The following FAM90A20 variants were observed in gnomAD, a reference collection of about 807,000 sequenced individuals.
The protein encoded by FAM90A20 is family with sequence similarity 90 member A20.
chr8:7,297,833 G>A, the FAM90A20 span: 893 of 1,010,682 alleles, frequency 8.8e-4, 38 homozygotes, highest in South Asian at 1.2e-3. Context: ...ACTGGAAAAC[G>A]GACGCTGGAG....
chr8:7,297,818 C>G, the FAM90A20 span: 1 of 1,134,980 alleles, frequency 8.8e-7, no homozygotes, highest in South Asian at 1.2e-5. Context: ...AGTGCTCTTC[C>G]GGAGACTGGA....
At chr8:7,297,854 C>T in the FAM90A20 span, 1 of 856,856 alleles carries the variant, frequency 1.2e-6, no homozygotes, top group Non-Finnish European at 1.8e-6. Context: ...CTCCAGCCTC[C>T]TGGCGGCCCC....
the FAM90A20 span, chr8:7,297,419 G>C: frequency 6.4e-7 from 1 of 1,553,690 alleles, no homozygotes; most frequent in Non-Finnish European, 8.7e-7. Flanking sequence ...CAAACGTCCT[G>C]CGGTGACCTC....
the FAM90A20 span, chr8:7,297,674 G>A: frequency 5.0e-6 from 7 of 1,395,940 alleles, no homozygotes; most frequent in South Asian, 8.0e-5. Flanking sequence ...GCCCCAGATG[G>A]GCAGGAGGAC....
the FAM90A20 span, chr8:7,296,509 C>T: frequency 1.1e-3 from 697 of 643,648 alleles, 58 homozygotes; most frequent in Non-Finnish European, 1.4e-3. Flanking sequence ...TTCTTGTCTT[C>T]TTGGGGTCAG....
chr8:7,295,446 G>A, the FAM90A20 span, among the ~76,000 whole-genome samples: 4 of 101,996 alleles, frequency 3.9e-5, no homozygotes, highest in Non-Finnish European at 7.1e-5. Context: ...GAGTTCCTCC[G>A]TCACACGGGC....
the FAM90A20 span, chr8:7,297,532 C>T: frequency 2.6e-6 from 4 of 1,521,634 alleles, 1 homozygote; most frequent in Non-Finnish European, 3.5e-6. Flanking sequence ...TTCAGGCTTG[C>T]CTGAACTTCC....
chr8:7,296,175 C>T, the FAM90A20 span: 1 of 645,410 alleles, frequency 1.5e-6, no homozygotes, highest in Non-Finnish European at 2.8e-6. Context: ...GAAAGGGCAC[C>T]AGATTTCCAT....
At chr8:7,296,418 C>G in the FAM90A20 span, 21 of 735,366 alleles carry the variant, frequency 2.9e-5, 2 homozygotes, top group Non-Finnish European at 4.7e-5. Flanking sequence ...CCCCGGGCCC[C>G]TGGTCCTTTT....
At chr8:7,296,292 A>G in the FAM90A20 span, 5 of 732,964 alleles carry the variant, frequency 6.8e-6, 1 homozygote, top group Non-Finnish European at 1.2e-5. Flanking sequence ...TCTGCAGGCA[A>G]CAAGACCCGC....
chr8:7,296,016 C>T, the FAM90A20 span, among the ~76,000 whole-genome samples: 1 of 128,770 alleles, frequency 7.8e-6, no homozygotes, highest in Non-Finnish European at 1.5e-5. Context: ...CTGGGAGATT[C>T]AGGGACGGGG....
the FAM90A20 span, chr8:7,297,326 C>T: frequency 4.5e-5 from 62 of 1,366,064 alleles, 2 homozygotes; most frequent in South Asian, 6.6e-4. Context: ...ACACAGCAGC[C>T]CTGAGGGTAG....
chr8:7,295,559 C>G, the FAM90A20 span: 2 of 669,676 alleles, frequency 3.0e-6, no homozygotes, highest in South Asian at 3.0e-5. Flanking sequence ...CACAATCCAT[C>G]CCAATGTTAA....
the FAM90A20 span, chr8:7,297,239 A>G: frequency 1.3e-6 from 2 of 1,494,742 alleles, 1 homozygote. Flanking sequence ...GGAAAGACAG[A>G]CAGGGGCTGC....
chr8:7,295,585 T>A, the FAM90A20 span: 68 of 665,016 alleles, frequency 1.0e-4, 12 homozygotes, highest in Middle Eastern at 1.2e-3. Flanking sequence ...GATCGCTGCC[T>A]GTGGCTTCAG....
chr8:7,297,671 A>T, the FAM90A20 span: 2 of 1,390,622 alleles, frequency 1.4e-6, no homozygotes, highest in East Asian at 2.3e-5. Context: ...GTCGCCCCAG[A>T]TGGGCAGGAG....
the FAM90A20 span, chr8:7,297,543 C>G: frequency 1.3e-6 from 2 of 1,524,994 alleles, no homozygotes; most frequent in Non-Finnish European, 1.8e-6. Flanking sequence ...CTGAACTTCC[C>G]CAAGAAACCG....
chr8:7,297,135 C>G, the FAM90A20 span: 5 of 1,521,478 alleles, frequency 3.3e-6, no homozygotes, highest in South Asian at 1.1e-5. Flanking sequence ...TCTGGTCGCT[C>G]AGCTACCGAA....
At chr8:7,297,581 A>G in the FAM90A20 span, 4 of 1,507,474 alleles carry the variant, frequency 2.7e-6, 1 homozygote, top group African/African-American at 6.1e-5. Context: ...GATCCCCGAA[A>G]GCACCATCCA....
Sources: allele counts gnomAD v4.1 joint callset (sites outside exome capture counted in the v4.1 genomes callset), GRCh38; gene constraint gnomAD v4.1.1; transcripts MANE v1.5; gene names NCBI Gene and HGNC (gene_info 2026-07-23, HGNC 2026-07-21).